Variants in SLC35D4 observed in about 807,000 individuals in gnomAD.
SLC35D4 encodes the protein UDP-N-acetylglucosamine transporter SLC35D4.
At chr18:23,393,204 C>T in the SLC35D4 span, among the ~76,000 whole-genome samples, 1 of 152,016 alleles carries the variant, frequency 6.6e-6, no homozygotes, top group Non-Finnish European at 1.5e-5. Flanking sequence ...CGTGAGCCAC[C>T]GAGCCTGGCC....
chr18:23,284,173 C>G, the SLC35D4 span, among the ~76,000 whole-genome samples: 2 of 152,178 alleles, frequency 1.3e-5, no homozygotes. Context: ...AGCTTCTTTA[C>G]AGCATCCTGT....
chr18:23,264,660 C>CG, the SLC35D4 span, among the ~76,000 whole-genome samples: 1 of 151,970 alleles, frequency 6.6e-6, no homozygotes, highest in Admixed American at 6.6e-5. Flanking sequence ...CGTGCCCAGC[C>CG]GTCATTTTTT....
chr18:23,305,372 C>G, the SLC35D4 span, among the ~76,000 whole-genome samples: 1 of 152,194 alleles, frequency 6.6e-6, no homozygotes, highest in African/African-American at 2.4e-5. Context: ...TGCTGTAAAT[C>G]CTTGGTGTTT....
At chr18:23,412,446 C>T in the SLC35D4 span, among the ~76,000 whole-genome samples, 2 of 152,184 alleles carry the variant, frequency 1.3e-5, no homozygotes, top group Non-Finnish European at 2.9e-5. Context: ...TATTACATCA[C>T]TAATTATAGA....
At chr18:23,396,671 CG>C in the SLC35D4 span, among the ~76,000 whole-genome samples, 5 of 151,880 alleles carry the variant, frequency 3.3e-5, no homozygotes, top group African/African-American at 4.8e-5. Flanking sequence ...CCCAGCTACT[CG>C]GGAGGCTGAG....
At chr18:23,270,500 G>A in the SLC35D4 span, among the ~76,000 whole-genome samples, 6 of 152,186 alleles carry the variant, frequency 3.9e-5, no homozygotes, top group African/African-American at 1.4e-4. Flanking sequence ...ATGAGAAGAG[G>A]GCCACCATCT....
At chr18:23,335,677 G>C in the SLC35D4 span, among the ~76,000 whole-genome samples, 6 of 152,118 alleles carry the variant, frequency 3.9e-5, no homozygotes, top group Non-Finnish European at 8.8e-5. Flanking sequence ...GAGTGCAAAG[G>C]TGTGCAGAAT....
the SLC35D4 span, among the ~76,000 whole-genome samples, chr18:23,314,672 T>C: frequency 3.3e-5 from 5 of 152,190 alleles, no homozygotes; most frequent in Admixed American, 1.3e-4. Flanking sequence ...ACCTAAGAAA[T>C]AGTCATCACC....
At chr18:23,316,811 A>G in the SLC35D4 span, among the ~76,000 whole-genome samples, 10 of 152,180 alleles carry the variant, frequency 6.6e-5, no homozygotes, top group African/African-American at 1.2e-4. Flanking sequence ...TTCATGAAAG[A>G]TAAGGGAAGA....
chr18:23,334,275 T>A, the SLC35D4 span, among the ~76,000 whole-genome samples: 9 of 152,062 alleles, frequency 5.9e-5, no homozygotes, highest in African/African-American at 9.7e-5. Context: ...AAGACAGAAT[T>A]CTTCTTGGAC....
the SLC35D4 span, among the ~76,000 whole-genome samples, chr18:23,317,459 C>G: frequency 6.6e-6 from 1 of 152,204 alleles, no homozygotes; most frequent in Non-Finnish European, 1.5e-5. Flanking sequence ...GTATCATGTA[C>G]TGCACCATTT....
the SLC35D4 span, among the ~76,000 whole-genome samples, chr18:23,299,757 G>T: frequency 6.6e-6 from 1 of 152,194 alleles, no homozygotes; most frequent in African/African-American, 2.4e-5. Context: ...AGGAGACACT[G>T]GTCAGTCAGG....
chr18:23,257,366 A>C, the SLC35D4 span: 1 of 1,597,062 alleles, frequency 6.3e-7, no homozygotes, highest in Non-Finnish European at 8.5e-7. Context: ...CAGAGTTCCT[A>C]GCACTGGCCC....
chr18:23,418,883 C>CTATT, the SLC35D4 span, among the ~76,000 whole-genome samples: 1 of 151,898 alleles, frequency 6.6e-6, no homozygotes, highest in Admixed American at 6.6e-5. Context: ...TGGCACGCGC[C>CTATT]TGTAGTCCCA....
At chr18:23,255,201 G>C in the SLC35D4 span, among the ~76,000 whole-genome samples, 1 of 152,140 alleles carries the variant, frequency 6.6e-6, no homozygotes, top group African/African-American at 2.4e-5. Context: ...AGAGCAAAAG[G>C]GGTCACTGTG....
the SLC35D4 span, among the ~76,000 whole-genome samples, chr18:23,301,726 G>A: frequency 6.6e-6 from 1 of 152,198 alleles, no homozygotes; most frequent in Non-Finnish European, 1.5e-5. Flanking sequence ...TATAAAACGG[G>A]AGAGGAGAGG....
the SLC35D4 span, among the ~76,000 whole-genome samples, chr18:23,252,720 A>G: frequency 1.3e-5 from 2 of 152,304 alleles, no homozygotes; most frequent in African/African-American, 4.8e-5. Context: ...CTGATGGTCT[A>G]CAGGCCGGCT....
chr18:23,306,286 G>GA, the SLC35D4 span, among the ~76,000 whole-genome samples: 3 of 151,224 alleles, frequency 2.0e-5, no homozygotes, highest in African/African-American at 2.4e-5. Flanking sequence ...TGCAGGCATG[G>GA]AAAAAAATAC....
At chr18:23,294,846 G>A in the SLC35D4 span, among the ~76,000 whole-genome samples, 18 of 152,122 alleles carry the variant, frequency 1.2e-4, no homozygotes, top group Non-Finnish European at 2.5e-4. Flanking sequence ...ACAAATACAG[G>A]CTTGCTAGAG....
Sources: allele counts gnomAD v4.1 joint callset (sites outside exome capture counted in the v4.1 genomes callset), GRCh38; gene constraint gnomAD v4.1.1; transcripts MANE v1.5; gene names NCBI Gene and HGNC (gene_info 2026-07-23, HGNC 2026-07-21).